DLGAP2: variants seen among roughly 807,000 people sequenced by gnomAD.
The protein encoded by DLGAP2 is DLG associated protein 2, also known as disks large-associated protein 2.
DLGAP2 carries 26 observed loss-of-function variants against 100.3 expected under a neutral mutation model. The ratio of observed to expected loss-of-function variants is 0.26; its 90% CI spans 0.19 to 0.36. DLGAP2 has a LOEUF of 0.36. Ranked by LOEUF, DLGAP2 falls within the 10% of genes least tolerant of loss-of-function variation. The pLI, the probability that DLGAP2 is intolerant of heterozygous loss-of-function variation, is 1.00. For synonymous variants in DLGAP2, 886 were observed against 630.1 expected, an observed-to-expected ratio of 1.41 and a Z score of -6.08; for missense variants, 1,858 against 1,453.2, an observed-to-expected ratio of 1.28 and a Z score of -4.53.
chr8:1,364,236 G>A (rs1050087526), intron 3 of DLGAP2, among the ~76,000 whole-genome samples: 1 of 152,192 alleles, frequency 6.6e-6, no homozygotes, highest in Non-Finnish European at 1.5e-5. Flanking sequence ...CCCAGCTGTG[G>A]GTTTTGCCTC....
chr8:1,508,261 G>T (rs1231740872), intron 4 of DLGAP2, among the ~76,000 whole-genome samples: 23 of 119,474 alleles, frequency 1.9e-4, no homozygotes, highest in African/African-American at 6.3e-4. Flanking sequence ...GCCTGCTCCC[G>T]GGCTGCCCCC....
chr8:876,745 C>A (rs1797692825), intron 1 of DLGAP2, among the ~76,000 whole-genome samples: 1 of 152,234 alleles, frequency 6.6e-6, no homozygotes, highest in African/African-American at 2.4e-5. Flanking sequence ...CTCTTACCTC[C>A]TTCTGATGTT....
At chr8:743,312 G>C (rs12541119) in intron 1 of DLGAP2, among the ~76,000 whole-genome samples, 94,159 of 152,036 alleles carry the variant, frequency 0.62, 29,566 homozygotes, top group African/African-American at 0.73. Flanking sequence ...TGTTCAACCT[G>C]AGGATCATGC....
intron 2 of DLGAP2, among the ~76,000 whole-genome samples, chr8:959,888 G>A (rs1418302478): frequency 6.6e-6 from 1 of 152,064 alleles, no homozygotes; most frequent in Admixed American, 6.5e-5. Flanking sequence ...TTATTGATGA[G>A]GCAAATTGAG....
chr8:907,942 T>C lies in DLGAP2; in HGVS notation c.49T>C (p.Cys17Arg), dbSNP rs1798413539. Residue 17 changes from cysteine to arginine, a missense_variant, in exon 2 of 15, where the codon TGT becomes CGT. Coordinates refer to ENST00000637795, the MANE Select transcript of DLGAP2 (RefSeq NM_001346810.2). ...VLPGILQKHC[C>R]ILPDRNTESQ... Reference sequence around the variant, plus strand: ...GCCTGGCATTCTGCAGAAGCATTGCTGTATCTTACCAGACAGGAATACAGG... The same window carrying C: ...GCCTGGCATTCTGCAGAAGCATTGCCGTATCTTACCAGACAGGAATACAGG... 1 of 398,908 alleles carries C rather than the reference T, an allele frequency of 2.5e-6. No individual in the cohort carries two copies. Among genetic ancestry groups the C allele is most frequent in the Admixed American group, 4.4e-5 (1 of 22,720 alleles). The allele number at this position is 398,908 out of a possible 1,614,324, so 24.7% of individuals were successfully genotyped here.
chr8:1,164,260 GCC>G (rs1304632951), intron 2 of DLGAP2, among the ~76,000 whole-genome samples: 1 of 131,876 alleles, frequency 7.6e-6, no homozygotes, highest in African/African-American at 2.9e-5. Context: ...CCCCCCCAGG[GCC>G]CCTCGTTTTG....
At chr8:1,603,093 G>A (rs1037708300) in intron 6 of DLGAP2, among the ~76,000 whole-genome samples, 5 of 152,026 alleles carry the variant, frequency 3.3e-5, no homozygotes, top group African/African-American at 4.8e-5. Context: ...CAGTTCTGCA[G>A]AGGCTGGTTA....
intron 3 of DLGAP2, among the ~76,000 whole-genome samples, chr8:1,371,554 C>T (rs1260627706): frequency 2.0e-5 from 3 of 152,202 alleles, no homozygotes; most frequent in Non-Finnish European, 2.9e-5. Flanking sequence ...TTCTGCAGAA[C>T]TCTATTATCC....
chr8:1,475,748 G>T (rs1425367576), intron 3 of DLGAP2, among the ~76,000 whole-genome samples: 4 of 152,164 alleles, frequency 2.6e-5, no homozygotes, highest in Non-Finnish European at 5.9e-5. Flanking sequence ...TCAACAAAAG[G>T]CTTGTCAGAC....
intron 2 of DLGAP2, among the ~76,000 whole-genome samples, chr8:1,197,075 C>T (rs929627460): frequency 2.6e-5 from 4 of 152,148 alleles, no homozygotes; most frequent in Admixed American, 6.6e-5. Flanking sequence ...GGAACAAATT[C>T]TCCTTTCTCC....
At chr8:777,813 C>G (rs927086225) in intron 1 of DLGAP2, among the ~76,000 whole-genome samples, 4 of 152,152 alleles carry the variant, frequency 2.6e-5, no homozygotes, top group African/African-American at 4.8e-5. Context: ...TTTGGTGAAT[C>G]TGACAGTTAT....
At chr8:1,367,255 G>C (rs1364199271) in intron 3 of DLGAP2, among the ~76,000 whole-genome samples, 1 of 152,210 alleles carries the variant, frequency 6.6e-6, no homozygotes, top group Non-Finnish European at 1.5e-5. Context: ...AGTCACCATA[G>C]GTGACATAAC....
intron 2 of DLGAP2, among the ~76,000 whole-genome samples, chr8:1,104,617 C>A (rs76178507): frequency 6.6e-6 from 1 of 152,150 alleles, no homozygotes; most frequent in Admixed American, 6.5e-5. Context: ...CTCATTTAAT[C>A]CTTGGGCTGC....
At chr8:1,182,494 C>G (rs528231885) in intron 2 of DLGAP2, among the ~76,000 whole-genome samples, 136 of 152,278 alleles carry the variant, frequency 8.9e-4, no homozygotes, top group African/African-American at 3.2e-3. Context: ...AGAATTGTGT[C>G]ACTAGGAAAT....
At chr8:1,064,745 T>G (rs939008715) in intron 2 of DLGAP2, among the ~76,000 whole-genome samples, 1 of 152,318 alleles carries the variant, frequency 6.6e-6, no homozygotes, top group East Asian at 1.9e-4. Flanking sequence ...ATATATAACA[T>G]TTTAAGTGAG....
At chr8:1,342,762 G>C (rs1488756171) in intron 3 of DLGAP2, among the ~76,000 whole-genome samples, 2 of 152,220 alleles carry the variant, frequency 1.3e-5, no homozygotes, top group Admixed American at 1.3e-4. Flanking sequence ...GAAATGCGGT[G>C]TGTGTGTTGA....
intron 2 of DLGAP2, among the ~76,000 whole-genome samples, chr8:1,201,990 A>T (rs978374969): frequency 6.7e-6 from 1 of 150,228 alleles, no homozygotes; most frequent in Non-Finnish European, 1.5e-5. Flanking sequence ...ATCTGTGTAT[A>T]TGTGGTGTGT....
At chr8:1,669,178 A>G (rs1798624571) in intron 9 of DLGAP2, among the ~76,000 whole-genome samples, 1 of 152,170 alleles carries the variant, frequency 6.6e-6, no homozygotes, top group African/African-American at 2.4e-5. Flanking sequence ...GCTCACAGCA[A>G]CTTCAGGTGC....
intron 2 of DLGAP2, among the ~76,000 whole-genome samples, chr8:1,229,929 A>C (rs1392053238): frequency 6.6e-6 from 1 of 152,200 alleles, no homozygotes; most frequent in African/African-American, 2.4e-5. Context: ...GAATAGACAC[A>C]AGCTGGAAGC....
Sources: allele counts gnomAD v4.1 joint callset (sites outside exome capture counted in the v4.1 genomes callset), GRCh38; gene constraint gnomAD v4.1.1; transcripts MANE v1.5; gene names NCBI Gene and HGNC (gene_info 2026-07-23, HGNC 2026-07-21).